ZSCAN5B: variants seen among roughly 807,000 people sequenced by gnomAD.
ZSCAN5B encodes zinc finger and SCAN domain-containing protein 5B.
ZSCAN5B carries 26 observed loss-of-function variants against 25.2 expected under a neutral mutation model. The ratio of observed to expected loss-of-function variants is 1.03; its 90% CI spans 0.76 to 1.43. The LOEUF (loss-of-function observed/expected upper bound fraction) is 1.43, where lower values mean the gene tolerates loss of function less well. Ranked by LOEUF, ZSCAN5B falls within the 40% of genes most tolerant of loss-of-function variation. ZSCAN5B has a pLI of 0.00. For missense variants in ZSCAN5B, 745 were observed against 622.1 expected (o/e 1.20, Z -2.10); for synonymous variants, 244 against 240.9 (o/e 1.01, Z -0.12).
rs2032710590 is a variant in ZSCAN5B at position 56,190,280 on chromosome 19, AT to A, written c.1034del (p.Asp345ValfsTer26). The A allele has an allele frequency of 1.9e-6, 3 of 1,614,092 alleles. No individual in the cohort carries two copies. The highest frequency in any genetic ancestry group is 2.5e-6 in the Non-Finnish European group (3 of 1,180,042). The stretch of plus-strand genomic sequence containing the variant: ...GCGGCAGGGCCTTGGCTTCTTGGCC[AT>A]CTGGGTGACTGACCGGGCCCGCAGG... On this transcript the variant is annotated frameshift_variant, in exon 5 of 5. Coordinates refer to ENST00000586855, the Ensembl canonical transcript of ZSCAN5B. LOFTEE classifies it low-confidence loss of function (END_TRUNC).
At chr19:56,190,502 A>G (rs771989557) in exon 5 of ZSCAN5B, 5 of 1,613,960 alleles carry the variant, frequency 3.1e-6, no homozygotes, top group Non-Finnish European at 4.2e-6. Context: ...CGCAGGCAGA[A>G]GGTGTGTCAG....
At chr19:56,196,526 C>T (rs2032812653) in intron 1 of ZSCAN5B, among the ~76,000 whole-genome samples, 1 of 152,094 alleles carries the variant, frequency 6.6e-6, no homozygotes, top group Admixed American at 6.6e-5. Flanking sequence ...GCAGTTTGCT[C>T]GATTTAGCCG....
chr19:56,193,632 G>A (rs1239298631), intron 1 of ZSCAN5B, among the ~76,000 whole-genome samples: 3 of 152,142 alleles, frequency 2.0e-5, no homozygotes, highest in Non-Finnish European at 4.4e-5. Flanking sequence ...TTAACCCCAG[G>A]ATATTTATTT....
chr19:56,193,086 C>A lies in ZSCAN5B; in HGVS notation c.-34G>T, dbSNP rs539231465. On this transcript the variant is annotated 5_prime_UTR_variant, in exon 2 of 5. Transcript: ENST00000586855. ...GAGAATATTTCAATCAGCCTCTGAG[C>A]AAGCTCTTCCAGTAGCCAGTATCAA... 1,025 of 1,497,924 alleles carry A rather than the reference C, an allele frequency of 6.8e-4. 4 individuals carry two copies. The highest frequency in any genetic ancestry group is 5.3e-4 in the Non-Finnish European group (590 of 1,118,024). 92.8% of individuals were successfully genotyped at this position (1,497,924 alleles called of 1,614,324 possible).
At chr19:56,190,302 G>T in exon 5 of ZSCAN5B, 1 of 1,614,166 alleles carries the variant, frequency 6.2e-7, no homozygotes, top group Non-Finnish European at 8.5e-7. Context: ...GACCGGGCCC[G>T]CAGGGCCTGG....
Position 56,193,597 on chromosome 19 carries a change from G to A in ZSCAN5B, c.-127-418C>T, listed in dbSNP as rs2032768888. ...AAAAATATTAATAGTTACAACCTAC[G>A]ATTGTCCCCAACACATTTTTCCTGT... On this transcript the variant is annotated intron_variant, in intron 1 of 4. Coordinates refer to ENST00000586855, the Ensembl canonical transcript of ZSCAN5B. Among the ~76,000 whole-genome samples the A allele has an allele frequency of 2.0e-5, 3 of 152,138 alleles. No homozygotes were observed. In the South Asian group the frequency reaches 6.2e-4, roughly 31 times the overall value.
chr19:56,192,000 C>G, exon 3 of ZSCAN5B: 1 of 1,613,916 alleles, frequency 6.2e-7, no homozygotes, highest in Non-Finnish European at 8.5e-7. Context: ...CTTCAGCCAT[C>G]TCGACATCTG....
chr19:56,195,278 C>G (rs2032796395), intron 1 of ZSCAN5B, among the ~76,000 whole-genome samples: 1 of 152,088 alleles, frequency 6.6e-6, no homozygotes, highest in Non-Finnish European at 1.5e-5. Flanking sequence ...ATAAGCAACT[C>G]AAACTCCTCC....
At chr19:56,197,177 C>CTT (rs112058807) in intron 1 of ZSCAN5B, among the ~76,000 whole-genome samples, 2 of 144,668 alleles carry the variant, frequency 1.4e-5, no homozygotes, top group Admixed American at 6.9e-5. Flanking sequence ...TATTTTTCTC[C>CTT]TTTTTTTTTT....
chr19:56,191,234 C>T (rs1302591701), intron 3 of ZSCAN5B, among the ~76,000 whole-genome samples: 1 of 152,164 alleles, frequency 6.6e-6, no homozygotes, highest in African/African-American at 2.4e-5. Context: ...GTGCCAATGT[C>T]TCCCTGCCCC....
intron 1 of ZSCAN5B, 21 bp from the exon 2 acceptor site, chr19:56,193,200 C>A: frequency 1.0e-6 from 1 of 983,246 alleles, no homozygotes; most frequent in Non-Finnish European, 1.4e-6. Flanking sequence ...AAAGCATGAG[C>A]CCGATTATTT....
At chr19:56,190,730 A>G (rs1021399830) in intron 4 of ZSCAN5B, 107 bp downstream of exon 4, 19 of 1,542,542 alleles carry the variant, frequency 1.2e-5, no homozygotes, top group Admixed American at 6.4e-5. Context: ...TGGAGGAGAG[A>G]TTTTGGCAGC....
At chr19:56,192,999 A>G in exon 2 of ZSCAN5B, 1 of 1,603,346 alleles carries the variant, frequency 6.2e-7, no homozygotes. Flanking sequence ...TGTCTGACCC[A>G]GGGCTGTTGC....
exon 2 of ZSCAN5B, chr19:56,192,769 G>A (rs758357215): frequency 5.6e-6 from 9 of 1,608,740 alleles, no homozygotes; most frequent in Non-Finnish European, 7.7e-6. Flanking sequence ...CTGGGGCATG[G>A]AGATCATGAA....
chr19:56,196,179 G>A (rs2032807210), intron 1 of ZSCAN5B, among the ~76,000 whole-genome samples: 3 of 152,076 alleles, frequency 2.0e-5, no homozygotes, highest in South Asian at 2.1e-4. Flanking sequence ...AGCCTCCCGA[G>A]TAGCTGGGAT....
intron 1 of ZSCAN5B, among the ~76,000 whole-genome samples, chr19:56,193,897 G>A (rs958074199): frequency 2.7e-5 from 4 of 150,368 alleles, no homozygotes; most frequent in African/African-American, 4.9e-5. Flanking sequence ...GGGAGGCAGA[G>A]CTTGCAGTGA....
At chr19:56,191,155 A>G (rs1372895322) in intron 3 of ZSCAN5B, among the ~76,000 whole-genome samples, 168 bp from the exon 4 acceptor site, 3 of 151,888 alleles carry the variant, frequency 2.0e-5, no homozygotes, top group Non-Finnish European at 4.4e-5. Flanking sequence ...TGCACCCTCC[A>G]TATTCTAAAT....
chr19:56,193,161 T>C (rs2032764117), exon 2 of ZSCAN5B: 2 of 1,294,012 alleles, frequency 1.5e-6, no homozygotes, highest in Admixed American at 5.8e-5. Flanking sequence ...AGTAATATAT[T>C]CACAGTTTGT....
At chr19:56,190,492 C>A in exon 5 of ZSCAN5B, 1 of 1,613,988 alleles carries the variant, frequency 6.2e-7, no homozygotes, top group Non-Finnish European at 8.5e-7. Context: ...CTCTCCACAA[C>A]GCAGGCAGAA....
Sources: gnomAD v4.1 joint callset for allele counts (sites outside exome capture counted in the v4.1 genomes callset) on GRCh38, gnomAD v4.1.1 for gene constraint, MANE v1.5 for transcripts, NCBI Gene and HGNC (gene_info 2026-07-23, HGNC 2026-07-21) for gene names.